The following LUZP2 variants were observed in gnomAD, a reference collection of about 807,000 sequenced individuals.
LUZP2 encodes leucine zipper protein 2.
Under a neutral mutation model 51.6 loss-of-function variants are expected in LUZP2, and 52 were observed. The ratio of observed to expected loss-of-function variants is 1.01; its 90% CI spans 0.81 to 1.27. The LOEUF is 1.27. Among genes scored for constraint, LUZP2 ranks in the 50% most tolerant of loss-of-function variants. The pLI, the probability that LUZP2 is intolerant of heterozygous loss-of-function variation, is 0.00. For synonymous variants in LUZP2, 154 were observed against 137.3 expected (o/e 1.12, Z -0.85); for missense variants, 436 against 395.4 (o/e 1.10, Z -0.87).
chr11:24,803,790 A>C (rs765722213), intron 5 of LUZP2, among the ~76,000 whole-genome samples: 22 of 152,098 alleles, frequency 1.4e-4, no homozygotes, highest in Non-Finnish European at 3.1e-4. Flanking sequence ...AACAATATAT[A>C]TGGAAGACTA....
At chr11:24,562,863 C>CAAA (rs35383666) in intron 1 of LUZP2, among the ~76,000 whole-genome samples, 2 of 115,578 alleles carry the variant, frequency 1.7e-5, no homozygotes, top group East Asian at 2.4e-4. Context: ...CTCCATCTCT[C>CAAA]AAAAAAAAAA....
At chr11:25,071,887 A>G (rs1234293650) in intron 10 of LUZP2, among the ~76,000 whole-genome samples, 2 of 152,118 alleles carry the variant, frequency 1.3e-5, no homozygotes, top group Admixed American at 1.3e-4. Flanking sequence ...GAAAAAGCAT[A>G]TAAAGTTAAA....
chr11:25,007,689 T>A (rs989828620), intron 9 of LUZP2, among the ~76,000 whole-genome samples: 3 of 152,306 alleles, frequency 2.0e-5, no homozygotes, highest in African/African-American at 7.2e-5. Context: ...GTTTCAGAGT[T>A]GGTGTTTACT....
rs535610227 is a variant in LUZP2 at position 25,075,392 on chromosome 11, G to A, written c.859-1937G>A. Among the ~76,000 whole-genome samples, 14 of 152,134 alleles carry A rather than the reference G, an allele frequency of 9.2e-5. No homozygotes were observed. In the East Asian group the frequency reaches 2.5e-3, roughly 27 times the overall value. On this transcript the variant is annotated intron_variant, in intron 10 of 11. Coordinates refer to ENST00000336930, the MANE Select transcript of LUZP2 (RefSeq NM_001009909.4). ...AAATGTGGCCATACAAAGAAAGCAG[G>A]CATTTATGAAAATTCTAAAGTATTG...
At chr11:24,583,374 G>A (rs1379456001) in intron 1 of LUZP2, among the ~76,000 whole-genome samples, 1 of 152,094 alleles carries the variant, frequency 6.6e-6, no homozygotes, top group Non-Finnish European at 1.5e-5. Context: ...TTTACACAGG[G>A]ATCTGGATTC....
rs76829271 is a variant in LUZP2 at position 24,716,177 on chromosome 11, A to G, written c.63-12992A>G. On this transcript the variant is annotated intron_variant, in intron 1 of 11. Coordinates refer to ENST00000336930, the MANE Select transcript of LUZP2 (RefSeq NM_001009909.4). Reference sequence around the variant, plus strand: ...AAATAATTATTTAAAAGTAGGCAGAAATGTTGAAGACAGGCTGAATGGAAG... The same window carrying G: ...AAATAATTATTTAAAAGTAGGCAGAGATGTTGAAGACAGGCTGAATGGAAG... 6.4e-4 allele frequency among the ~76,000 whole-genome samples: 97 copies of G among 152,290 alleles called. No homozygotes were observed. In the East Asian group the frequency reaches 0.018, roughly 28 times the overall value.
At chr11:24,695,096 C>T (rs895941013) in intron 1 of LUZP2, among the ~76,000 whole-genome samples, 1 of 151,802 alleles carries the variant, frequency 6.6e-6, no homozygotes, top group African/African-American at 2.4e-5. Flanking sequence ...AAAAGAAGTA[C>T]TATGTCCAAA....
chr11:25,024,696 A>G (rs1857432556), intron 9 of LUZP2, among the ~76,000 whole-genome samples: 1 of 152,154 alleles, frequency 6.6e-6, no homozygotes, highest in Non-Finnish European at 1.5e-5. Context: ...GGAAGAATCA[A>G]TATTGCGAAA....
At chr11:24,661,722 C>A (rs1856027653) in intron 1 of LUZP2, among the ~76,000 whole-genome samples, 1 of 152,092 alleles carries the variant, frequency 6.6e-6, no homozygotes, top group Admixed American at 6.6e-5. Context: ...TTAGCCATAA[C>A]ATTTTAAAAT....
chr11:24,647,298 G>C (rs1385232889), intron 1 of LUZP2, among the ~76,000 whole-genome samples: 1 of 150,880 alleles, frequency 6.6e-6, no homozygotes, highest in African/African-American at 2.4e-5. Flanking sequence ...TTTTTAAATT[G>C]GTACAGAATG....
intron 5 of LUZP2, among the ~76,000 whole-genome samples, chr11:24,874,187 C>A (rs928488757): frequency 6.6e-6 from 1 of 152,076 alleles, no homozygotes; most frequent in Non-Finnish European, 1.5e-5. Flanking sequence ...TTCTCATTTG[C>A]CCAATATGGC....
chr11:24,757,670 G>A (rs1362037013), intron 4 of LUZP2, among the ~76,000 whole-genome samples: 2 of 151,698 alleles, frequency 1.3e-5, no homozygotes, highest in Non-Finnish European at 2.9e-5. Context: ...TCTTTGAAAA[G>A]ATTATGCTAA....
chr11:24,972,982 A>G (rs1216957341), intron 7 of LUZP2, among the ~76,000 whole-genome samples: 1 of 150,564 alleles, frequency 6.6e-6, no homozygotes, highest in Non-Finnish European at 1.5e-5. Flanking sequence ...ACTGTTTGTG[A>G]TAGTTTTAGT....
intron 7 of LUZP2, among the ~76,000 whole-genome samples, chr11:24,926,236 TGTGTGTGTATATATATAC>T (rs1565118507): frequency 4.1e-5 from 6 of 145,776 alleles, no homozygotes; most frequent in African/African-American, 1.3e-4. Context: ...TATATATATA[TGTGTGTGTATATATATAC>T]GTGTGTGTAT....
rs143060317 is a variant in LUZP2, at chr11:24,712,526, A to G, written c.63-16643A>G. On this transcript the variant is annotated intron_variant, in intron 1 of 11. Coordinates refer to ENST00000336930, the MANE Select transcript of LUZP2 (RefSeq NM_001009909.4). ...ATTACTAGGAGAAAGCATCAGGGTT[A>G]AAAGGGATTCTGGCTAACCTACCAG... 1.3e-3 allele frequency among the ~76,000 whole-genome samples: 200 copies of G among 152,314 alleles called. 1 individual carries two copies. The highest frequency in any genetic ancestry group is 4.4e-3 in the African/African-American group (184 of 41,570).
chr11:24,520,309 A>T (rs1281801008), intron 1 of LUZP2, among the ~76,000 whole-genome samples: 1 of 152,220 alleles, frequency 6.6e-6, no homozygotes, highest in Non-Finnish European at 1.5e-5. Flanking sequence ...TTGGAAATGG[A>T]ACTGTTATCA....
chr11:25,016,784 G>A (rs1857172957), intron 9 of LUZP2, among the ~76,000 whole-genome samples: 1 of 152,050 alleles, frequency 6.6e-6, no homozygotes, highest in Non-Finnish European at 1.5e-5. Flanking sequence ...CCTGTGGGTA[G>A]ATACACGGTA....
intron 1 of LUZP2, among the ~76,000 whole-genome samples, chr11:24,519,494 G>A (rs551133241): frequency 6.6e-5 from 10 of 152,158 alleles, no homozygotes; most frequent in Non-Finnish European, 1.5e-4. Context: ...AAGAAAATAA[G>A]TATGAGATCT....
chr11:24,775,924 C>T (rs937370181), intron 5 of LUZP2, among the ~76,000 whole-genome samples: 1 of 152,138 alleles, frequency 6.6e-6, no homozygotes, highest in African/African-American at 2.4e-5. Context: ...ACATATTAAG[C>T]TGTCACCAAA....
Sources: gnomAD v4.1 joint callset for allele counts (sites outside exome capture counted in the v4.1 genomes callset) on GRCh38, gnomAD v4.1.1 for gene constraint, MANE v1.5 for transcripts, NCBI Gene and HGNC (gene_info 2026-07-23, HGNC 2026-07-21) for gene names.